CNTNAP2: variants seen among roughly 807,000 people sequenced by gnomAD.
CNTNAP2 encodes contactin-associated protein-like 2.
In CNTNAP2, 98 loss-of-function variants were observed where a neutral mutation model predicts 155.2. The observed-to-expected ratio is 0.63, with a 90% CI of 0.54 to 0.75. The LOEUF is 0.75. CNTNAP2 is among the 30% of genes least tolerant of loss of function. CNTNAP2 has a pLI of 0.00. For synonymous variants in CNTNAP2, 651 were observed against 631.2 expected (o/e 1.03, Z -0.47); for missense variants, 1,727 against 1,688.1 (o/e 1.02, Z -0.40).
chr7:146,122,224 A>T lies in CNTNAP2; in HGVS notation c.97+5251A>T, dbSNP rs1223124562. 2.0e-5 allele frequency among the ~76,000 whole-genome samples: 3 copies of T among 152,198 alleles called. No homozygotes were observed. The East Asian group carries it at 5.8e-4, about 29-fold the overall frequency. On this transcript the variant is annotated intron_variant, in intron 1 of 23. Transcript: ENST00000361727. The stretch of plus-strand genomic sequence containing the variant: ...TCCAGGCTGCCTGCAGAAAGAATAG[A>T]TTCTGCTGAACGATAGATAAAAGTA...
chr7:146,263,102 A>G (rs1799943900), intron 1 of CNTNAP2, among the ~76,000 whole-genome samples: 1 of 152,072 alleles, frequency 6.6e-6, no homozygotes, highest in Non-Finnish European at 1.5e-5. Context: ...ACAAATCATG[A>G]GGTCAGGAGT....
chr7:146,814,932 ATAGT>A (rs1397333053), intron 2 of CNTNAP2, among the ~76,000 whole-genome samples: 79 of 152,204 alleles, frequency 5.2e-4, no homozygotes, highest in African/African-American at 1.9e-3. Flanking sequence ...GAGATTTATA[ATAGT>A]TATTGAGAAA....
chr7:146,527,788 C>T (rs1457871630), intron 1 of CNTNAP2, among the ~76,000 whole-genome samples: 1 of 151,904 alleles, frequency 6.6e-6, no homozygotes, highest in Non-Finnish European at 1.5e-5. Context: ...GATGCTTGAA[C>T]AAAATGTTCA....
At chr7:148,061,890 G>GATAGATAGATAAACAGAT (rs1563185241) in intron 15 of CNTNAP2, among the ~76,000 whole-genome samples, 3 of 121,648 alleles carry the variant, frequency 2.5e-5, no homozygotes, top group East Asian at 1.0e-3. Flanking sequence ...TAGATAGATA[G>GATAGATAGATAAACAGAT]ATAGATAGAT....
chr7:146,920,678 G>C (rs537035216), intron 3 of CNTNAP2, among the ~76,000 whole-genome samples: 1 of 152,052 alleles, frequency 6.6e-6, no homozygotes, highest in African/African-American at 2.4e-5. Context: ...AAAATAAAAA[G>C]TATAGTTCTA....
intron 4 of CNTNAP2, among the ~76,000 whole-genome samples, chr7:147,070,054 A>C (rs1799859161): frequency 1.3e-5 from 2 of 152,232 alleles, no homozygotes; most frequent in Non-Finnish European, 1.5e-5. Flanking sequence ...TGCAGTTTCA[A>C]CATTTGTTTT....
At chr7:147,143,794 C>G (rs942722984) in intron 8 of CNTNAP2, among the ~76,000 whole-genome samples, 13 of 151,994 alleles carry the variant, frequency 8.6e-5, no homozygotes, top group African/African-American at 3.1e-4. Context: ...GATATTAAAG[C>G]CTAGAGATGT....
intron 4 of CNTNAP2, among the ~76,000 whole-genome samples, chr7:147,072,023 T>G (rs1397570872): frequency 6.6e-6 from 1 of 152,126 alleles, no homozygotes; most frequent in Admixed American, 6.5e-5. Context: ...GCACCTGTAC[T>G]CATCCTGGAG....
chr7:148,226,426 C>A lies in CNTNAP2; in HGVS notation c.3248-3220C>A, dbSNP rs937616916. On this transcript the variant is annotated intron_variant, in intron 19 of 23. Coordinates refer to ENST00000361727, the MANE Select transcript of CNTNAP2 (RefSeq NM_014141.6). ...AGGTGATGGTCAGGCAGTTGCTAAA[C>A]TGTCTCTCTCTAAAATGATAATTGG... 5.3e-5 allele frequency among the ~76,000 whole-genome samples: 8 copies of A among 151,862 alleles called. 1 individual carries two copies. The South Asian group carries it at 6.2e-4, about 12-fold the overall frequency.
chr7:147,900,307 G>A (rs1158058307), intron 13 of CNTNAP2, among the ~76,000 whole-genome samples: 1 of 152,154 alleles, frequency 6.6e-6, no homozygotes, highest in South Asian at 2.1e-4. Context: ...GGAGGTGACT[G>A]GATCATGAGG....
intron 13 of CNTNAP2, among the ~76,000 whole-genome samples, chr7:147,677,097 A>G (rs1795881385): frequency 6.6e-6 from 1 of 151,096 alleles, no homozygotes; most frequent in Admixed American, 6.6e-5. Context: ...GAACCTCCAT[A>G]CTGTTTTAAA....
intron 19 of CNTNAP2, among the ~76,000 whole-genome samples, chr7:148,220,781 AAG>A (rs1156760086): frequency 6.6e-6 from 1 of 151,906 alleles, no homozygotes; most frequent in African/African-American, 2.4e-5. Context: ...GTGAGGATGA[AAG>A]AGAGAGAAGT....
chr7:147,096,032 A>G (rs532321438), intron 4 of CNTNAP2, among the ~76,000 whole-genome samples: 2 of 152,266 alleles, frequency 1.3e-5, no homozygotes, highest in Non-Finnish European at 2.9e-5. Context: ...TGCTCTCTCT[A>G]TTGATTTAGC....
intron 11 of CNTNAP2, among the ~76,000 whole-genome samples, chr7:147,516,270 A>G (rs1258054018): frequency 6.6e-6 from 1 of 152,184 alleles, no homozygotes; most frequent in East Asian, 1.9e-4. Context: ...GAACAAAAAA[A>G]TAGACAAAAT....
At chr7:146,985,618 A>G (rs1231627807) in intron 3 of CNTNAP2, among the ~76,000 whole-genome samples, 2 of 152,076 alleles carry the variant, frequency 1.3e-5, no homozygotes, top group Non-Finnish European at 2.9e-5. Context: ...CTGAATTTTT[A>G]AATTTACTCT....
chr7:147,879,702 A>G lies in CNTNAP2; in HGVS notation c.2099-23863A>G, dbSNP rs191789594. ...TGCATGAAATTGTGTCTTTGAAACT[A>G]TATATTATGGAGATGAGTGATACTG... On this transcript the variant is annotated intron_variant, in intron 13 of 23. Coordinates refer to ENST00000361727, the MANE Select transcript of CNTNAP2 (RefSeq NM_014141.6). Among the ~76,000 whole-genome samples, 464 of 152,278 alleles carry G rather than the reference A, an allele frequency of 3.0e-3. 8 individuals are homozygous for G. The highest frequency in any genetic ancestry group is 0.028 in the Admixed American group (427 of 15,290).
intron 1 of CNTNAP2, among the ~76,000 whole-genome samples, chr7:146,762,669 C>G (rs1408992224): frequency 6.6e-6 from 1 of 152,076 alleles, no homozygotes; most frequent in Non-Finnish European, 1.5e-5. Context: ...CAGAGACATG[C>G]CTGTGCCTGG....
At chr7:146,291,995 A>G (rs1800436268) in intron 1 of CNTNAP2, among the ~76,000 whole-genome samples, 2 of 152,228 alleles carry the variant, frequency 1.3e-5, no homozygotes, top group Non-Finnish European at 2.9e-5. Flanking sequence ...TAAGGGGTTG[A>G]TATCCCAAAT....
chr7:146,873,023 A>G (rs1795345725), intron 3 of CNTNAP2, among the ~76,000 whole-genome samples: 1 of 152,248 alleles, frequency 6.6e-6, no homozygotes, highest in Non-Finnish European at 1.5e-5. Context: ...AAATTGTGCC[A>G]GATCCCTCTT....
Sources: gnomAD v4.1 joint callset for allele counts (sites outside exome capture counted in the v4.1 genomes callset) on GRCh38, gnomAD v4.1.1 for gene constraint, MANE v1.5 for transcripts, NCBI Gene and HGNC (gene_info 2026-07-23, HGNC 2026-07-21) for gene names.